The following HMGXB3 variants were observed in gnomAD, a reference collection of about 807,000 sequenced individuals.
The protein encoded by HMGXB3 is HMG domain-containing protein 3.
In HMGXB3, 45 loss-of-function variants were observed where a neutral mutation model predicts 121.5. That is an observed-to-expected ratio of 0.37 (90% CI 0.29 to 0.47). The LOEUF (loss-of-function observed/expected upper bound fraction) is 0.47, where lower values mean the gene tolerates loss of function less well. Ranked by LOEUF, HMGXB3 falls within the 20% of genes least tolerant of loss-of-function variation. HMGXB3 has a pLI of 0.99. For missense variants in HMGXB3, 1,376 were observed against 1,602.2 expected (o/e 0.86, Z 2.41); for synonymous variants, 590 against 624.1 (o/e 0.95, Z 0.81).
intron 15 of HMGXB3, among the ~76,000 whole-genome samples, chr5:150,044,534 T>C (rs2113760251): frequency 6.6e-6 from 1 of 152,272 alleles, no homozygotes; most frequent in Middle Eastern, 3.4e-3. Context: ...CTCACAACTT[T>C]TTACAGTGGA....
rs1321609471 is a variant in HMGXB3 at position 150,028,533 on chromosome 5, G to A, written c.1734+1416G>A. On this transcript the variant is annotated intron_variant, in intron 9 of 19. Transcript: ENST00000502717. ...TGTGTGTGTGTGTGTGTGTGTGTGT[G>A]TGTGTGTGTATATATATATATATAT... Among the ~76,000 whole-genome samples, 421 of 62,824 alleles carry A rather than the reference G, an allele frequency of 6.7e-3. 2 individuals are homozygous for A. Among genetic ancestry groups the A allele is most frequent in the African/African-American group, 0.036 (399 of 11,056 alleles). The allele number at this position is 62,824 out of a possible 152,430, so 41.2% of individuals were successfully genotyped here.
intron 11 of HMGXB3, among the ~76,000 whole-genome samples, chr5:150,035,076 G>T (rs78240836): frequency 0.011 from 1,746 of 152,304 alleles, 25 homozygotes; most frequent in African/African-American, 0.04. Context: ...AGATAACCAA[G>T]CTATTACAAA....
Position 150,008,025 on chromosome 5 carries a change from C to G in HMGXB3, c.312+1378C>G, listed in dbSNP as rs943556013. Among the ~76,000 whole-genome samples, 4 of 151,406 alleles carry G rather than the reference C, an allele frequency of 2.6e-5. No homozygotes were observed. In the South Asian group the frequency reaches 8.4e-4, roughly 32 times the overall value. On this transcript the variant is annotated intron_variant, in intron 3 of 19. Transcript: ENST00000502717. ...TGAGCCGTGATTGTGCCACTGCACT[C>G]TAGCCTGGGCAACAGAGTGAGACTC...
chr5:150,047,125 C>G (rs1319376505), intron 16 of HMGXB3, among the ~76,000 whole-genome samples: 1 of 151,968 alleles, frequency 6.6e-6, no homozygotes, highest in East Asian at 2.0e-4. Context: ...AACTTCTGAC[C>G]TCAGATAATC....
intron 6 of HMGXB3, chr5:150,021,780 G>T: frequency 3.9e-6 from 2 of 507,062 alleles, no homozygotes; most frequent in South Asian, 1.4e-5. Context: ...CTTTCACTGA[G>T]ATTCTTTTCC....
intron 5 of HMGXB3, among the ~76,000 whole-genome samples, chr5:150,014,118 A>G (rs938621811): frequency 6.6e-6 from 1 of 152,258 alleles, no homozygotes; most frequent in Non-Finnish European, 1.5e-5. Flanking sequence ...CTGGTACTAC[A>G]CTAGAGCATG....
Position 150,036,708 on chromosome 5 carries a change from C to T in HMGXB3, c.2056C>T (p.Arg686Cys), listed in dbSNP as rs543100056. 15 of 1,551,336 alleles carry T rather than the reference C, an allele frequency of 9.7e-6. No individual in the cohort carries two copies. Among genetic ancestry groups the T allele is most frequent in the East Asian group, 2.4e-5 (1 of 40,922 alleles). Reference protein sequence around the residue: ...PLSTAQREIQRQSTLQLLRKV... With the variant: ...PLSTAQREIQCQSTLQLLRKV... Reference sequence around the variant, plus strand: ...GAGCACAGCCCAGAGGGAGATCCAGCGCCAGTCCACACTGCAGCTGCTGCG... The same window carrying T: ...GAGCACAGCCCAGAGGGAGATCCAGTGCCAGTCCACACTGCAGCTGCTGCG... Residue 686 changes from arginine to cysteine, a missense_variant, in exon 12 of 20, where the codon CGC (arginine) becomes TGC (cysteine). This residue lies in a region of HMGXB3 where 1,116 missense variants were observed against 1,369.0 expected (regional missense o/e 0.82). Coordinates refer to ENST00000502717, the MANE Select transcript of HMGXB3 (RefSeq NM_014983.3).
chr5:150,005,666 G>A (rs549511973), intron 2 of HMGXB3, among the ~76,000 whole-genome samples: 1 of 151,566 alleles, frequency 6.6e-6, no homozygotes, highest in East Asian at 1.9e-4. Flanking sequence ...AATTATATCT[G>A]TACAGAATAT....
At chr5:150,015,010 C>T in intron 5 of HMGXB3, 1 of 647,618 alleles carries the variant, frequency 1.5e-6, no homozygotes, top group Non-Finnish European at 2.4e-6. Flanking sequence ...GAATACCAAA[C>T]CACCAATGAT....
intron 1 of HMGXB3, 102 bp from the exon 2 acceptor site, chr5:150,004,749 G>A (rs1328349093): frequency 9.2e-6 from 7 of 758,374 alleles, no homozygotes; most frequent in African/African-American, 3.6e-5. Context: ...AAATGTCTAA[G>A]CCTTAAGGCA....
intron 3 of HMGXB3, 77 bp downstream of exon 3, chr5:150,006,724 C>T (rs1248765162): frequency 7.9e-7 from 1 of 1,267,072 alleles, no homozygotes; most frequent in Non-Finnish European, 1.1e-6. Flanking sequence ...GCCCCTTGTT[C>T]TGTTTCCTTT....
At position 150,002,026 on chromosome 5, in the gene HMGXB3, T is replaced by C. The variant is rs140316650; in HGVS notation, c.-3+847T>C. On this transcript the variant is annotated intron_variant, in intron 1 of 19. Transcript: ENST00000502717. ...TTACCCAGCCAAGTTGTAGACTGTG[T>C]TCTCTTCCTGGGTTGCACTATGGCA... Among the ~76,000 whole-genome samples the C allele has an allele frequency of 6.5e-4, 99 of 152,356 alleles. 1 individual carries two copies. In the East Asian group the frequency reaches 0.019, roughly 29 times the overall value.
chr5:150,037,488 C>T lies in HMGXB3; in HGVS notation c.2374C>T (p.His792Tyr). 1 of 1,551,276 alleles carries T rather than the reference C, an allele frequency of 6.4e-7. No individual in the cohort carries two copies. Among genetic ancestry groups the T allele is most frequent in the South Asian group, 1.2e-5 (1 of 84,038 alleles). Residue 792 changes from histidine to tyrosine, a missense_variant, in exon 13 of 20, where the codon CAT becomes TAT. Around this residue, in one of 2 missense-constraint regions of HMGXB3, gnomAD observed 1,116 missense variants for 1,369.0 expected, o/e 0.82. Coordinates refer to ENST00000502717, the MANE Select transcript of HMGXB3 (RefSeq NM_014983.3). ...CCAGGTGAAGATGTGTCTGAACCCCCATTGTCTGGCCCTGCACAGCTTCAT... is the reference window on the plus strand; with the variant it reads ...CCAGGTGAAGATGTGTCTGAACCCCTATTGTCTGGCCCTGCACAGCTTCAT... ...TAQVKMCLNP[H>Y]CLALHSFIDI...
intron 5 of HMGXB3, among the ~76,000 whole-genome samples, chr5:150,013,584 C>T (rs1755892624): frequency 6.6e-6 from 1 of 152,172 alleles, no homozygotes; most frequent in African/African-American, 2.4e-5. Flanking sequence ...AGTATTTTCT[C>T]CACCTCAGTT....
At chr5:150,005,325 C>A (rs1004688480) in intron 2 of HMGXB3, among the ~76,000 whole-genome samples, 2 of 152,112 alleles carry the variant, frequency 1.3e-5, no homozygotes, top group African/African-American at 4.8e-5. Context: ...TAAGGCTGGG[C>A]GTGATGGCTC....
At chr5:150,041,622 C>G (rs1756636549) in intron 14 of HMGXB3, among the ~76,000 whole-genome samples, 163 bp from the exon 15 acceptor site, 1 of 152,232 alleles carries the variant, frequency 6.6e-6, no homozygotes, top group African/African-American at 2.4e-5. Context: ...CACCTGAGCA[C>G]TTGCAGGCCA....
At chr5:150,044,701 A>C (rs1298851430) in intron 15 of HMGXB3, among the ~76,000 whole-genome samples, 1 of 152,128 alleles carries the variant, frequency 6.6e-6, no homozygotes, top group Non-Finnish European at 1.5e-5. Context: ...TTTAAATGCA[A>C]AATTAGGAGT....
chr5:150,035,125 C>T (rs972523413), intron 11 of HMGXB3, among the ~76,000 whole-genome samples: 1 of 152,164 alleles, frequency 6.6e-6, no homozygotes, highest in Non-Finnish European at 1.5e-5. Context: ...ATAAAAAGCT[C>T]CTTATTAAGT....
intron 16 of HMGXB3, among the ~76,000 whole-genome samples, chr5:150,047,318 G>A (rs1271782778): frequency 6.6e-6 from 1 of 152,156 alleles, no homozygotes; most frequent in African/African-American, 2.4e-5. Flanking sequence ...TGCAGTCATG[G>A]TAAGCATCTG....
Sources: gnomAD v4.1 joint callset for allele counts (sites outside exome capture counted in the v4.1 genomes callset) on GRCh38, gnomAD v4.1.1 for gene constraint, gnomAD v4.1.1 regional missense constraint, MANE v1.5 for transcripts, NCBI Gene and HGNC (gene_info 2026-07-23, HGNC 2026-07-21) for gene names.